Variants in FAM222B observed in about 807,000 individuals in gnomAD.
The protein encoded by FAM222B is family with sequence similarity 222 member B, also known as protein FAM222B.
FAM222B carries 12 observed loss-of-function variants against 38.0 expected under a neutral mutation model. That is an observed-to-expected ratio of 0.32 (90% CI 0.20 to 0.51). FAM222B has a LOEUF of 0.51. FAM222B is among the 20% of genes least tolerant of loss of function. FAM222B has a pLI of 0.97. For synonymous variants in FAM222B, 329 were observed against 317.2 expected (o/e 1.04, Z -0.40); for missense variants, 716 against 754.2 (o/e 0.95, Z 0.59).
At chr17:28,777,633 C>G (rs1450663861) in intron 1 of FAM222B, among the ~76,000 whole-genome samples, 1 of 152,132 alleles carries the variant, frequency 6.6e-6, no homozygotes, top group Non-Finnish European at 1.5e-5. Flanking sequence ...GGCTCACATT[C>G]CTGAAGGATA....
At chr17:28,846,116 C>G (rs949454015), upstream of FAM222B, among the ~76,000 whole-genome samples, 53 of 149,060 alleles carry the variant, frequency 3.6e-4, no homozygotes, top group African/African-American at 1.3e-3. Flanking sequence ...GGCAGGAGAA[C>G]GGCGTGAACC....
At chr17:28,760,597 AAAG>A (rs1385142189) in intron 2 of FAM222B, among the ~76,000 whole-genome samples, 4 of 151,876 alleles carry the variant, frequency 2.6e-5, no homozygotes, top group Non-Finnish European at 4.4e-5. Context: ...GAAAAAAAAA[AAAG>A]AGAGAAATGC....
chr17:28,790,883 A>AAATTTTTTTTTTTTTTTTTTTTTT (rs1567838640), intron 1 of FAM222B, among the ~76,000 whole-genome samples: 3 of 8,906 alleles, frequency 3.4e-4, no homozygotes, highest in African/African-American at 1.6e-3. Context: ...AAATTGTTTC[A>AAATTTTTTTTTTTTTTTTTTTTTT]CTTTTTTTTT....
intron 1 of FAM222B, among the ~76,000 whole-genome samples, chr17:28,819,327 A>G (rs956537500): frequency 7.9e-5 from 12 of 152,218 alleles, no homozygotes; most frequent in African/African-American, 2.9e-4. Context: ...AAATAAGAGG[A>G]AGACAAATAA....
In FAM222B at chr17:28,757,377, T is replaced by C. The variant is rs1426929670; in HGVS notation, c.*893A>G. 2.2e-5 allele frequency: 2 copies of C among 90,814 alleles called. No individual in the cohort carries two copies. Among genetic ancestry groups the C allele is most frequent in the Non-Finnish European group, 4.9e-5 (2 of 40,724 alleles). The allele number at this position is 90,814 out of a possible 1,614,324, so 5.6% of individuals were successfully genotyped here. A position where few individuals can be genotyped will look rare whatever the true frequency, so the allele number is the denominator to read the frequency against. ...GCCAGTGTAGAGAGAACCAAATGCA[T>C]TTTTTTTTTTTTGGTGTTTTTAATC... is the stretch of plus-strand genomic sequence containing the variant. On this transcript the variant is annotated 3_prime_UTR_variant, in exon 3 of 3. Coordinates refer to ENST00000581407, the MANE Select transcript of FAM222B (RefSeq NM_001077498.3).
At chr17:28,842,289 A>G (rs2039068517) in intron 1 of FAM222B, among the ~76,000 whole-genome samples, 1 of 151,962 alleles carries the variant, frequency 6.6e-6, no homozygotes. Flanking sequence ...AGAGCAGCCT[A>G]TTACTCCGGG....
At chr17:28,813,022 CGGGGGGGGGGG>C (rs71359255) in intron 1 of FAM222B, among the ~76,000 whole-genome samples, 4 of 896 alleles carry the variant, frequency 4.5e-3, no homozygotes, top group Admixed American at 0.017. Context: ...AGAAATTAAG[CGGGGGGGGGGG>C]GGGGGGGGAG....
intron 1 of FAM222B, among the ~76,000 whole-genome samples, chr17:28,826,077 G>T (rs933760595): frequency 6.9e-5 from 10 of 145,460 alleles, no homozygotes; most frequent in East Asian, 2.0e-4. Context: ...TGTTTTTTTT[G>T]TTGTTTTTTT....
chr17:28,757,196 CTTTGTG>C lies in FAM222B; in HGVS notation c.*1068_*1073del, dbSNP rs772924976. 2.6e-5 allele frequency: 4 copies of C among 152,342 alleles called. No individual in the cohort carries two copies. Among genetic ancestry groups the C allele is most frequent in the Admixed American group, 2.6e-4 (4 of 15,240 alleles). The allele number at this position is 152,342 out of a possible 1,614,324, so 9.4% of individuals were successfully genotyped here. On this transcript the variant is annotated 3_prime_UTR_variant, in exon 3 of 3. Transcript: ENST00000581407. Reference sequence around the variant, plus strand: ...AAGGAAGTACTCAAAGAGCTTAAGGCTTTGTGTTTGTTTTTTTTTCCTTCATTAAAC... The same window carrying C: ...AAGGAAGTACTCAAAGAGCTTAAGGCTTTGTTTTTTTTTCCTTCATTAAAC...
intron 1 of FAM222B, among the ~76,000 whole-genome samples, chr17:28,799,861 G>C (rs2037136713): frequency 6.6e-6 from 1 of 152,096 alleles, no homozygotes; most frequent in Middle Eastern, 3.2e-3. Flanking sequence ...TCCTGCCTTG[G>C]CCTCCCAAAG....
At chr17:28,775,549 G>A (rs1005602458) in intron 1 of FAM222B, among the ~76,000 whole-genome samples, 3 of 151,532 alleles carry the variant, frequency 2.0e-5, no homozygotes, top group Non-Finnish European at 2.9e-5. Context: ...GATTCATGCT[G>A]TGGCTCAAAA....
At chr17:28,790,883 A>AAATT (rs1567838640) in intron 1 of FAM222B, among the ~76,000 whole-genome samples, 8 of 8,902 alleles carry the variant, frequency 9.0e-4, no homozygotes, top group African/African-American at 4.3e-3. Flanking sequence ...AAATTGTTTC[A>AAATT]CTTTTTTTTT....
intron 1 of FAM222B, among the ~76,000 whole-genome samples, chr17:28,818,749 C>CT: frequency 6.6e-6 from 1 of 152,140 alleles, no homozygotes; most frequent in Non-Finnish European, 1.5e-5. Context: ...GAGTAGAGAG[C>CT]TGGAAAGAAG....
chr17:28,845,563 G>A (rs2152635552), upstream of FAM222B, among the ~76,000 whole-genome samples: 1 of 151,540 alleles, frequency 6.6e-6, no homozygotes, highest in African/African-American at 2.4e-5. Context: ...TGGCGACAGA[G>A]CGAGACTCTG....
chr17:28,807,798 C>T (rs117966026), intron 1 of FAM222B, among the ~76,000 whole-genome samples: 20 of 152,290 alleles, frequency 1.3e-4, no homozygotes, highest in Non-Finnish European at 2.8e-4. Context: ...CAAGTGTTCA[C>T]AGAATGCTAA....
chr17:28,845,318 G>C (rs535376339), upstream of FAM222B, among the ~76,000 whole-genome samples: 1 of 150,450 alleles, frequency 6.6e-6, no homozygotes, highest in Non-Finnish European at 1.5e-5. Context: ...GGAGAATGGC[G>C]TGAAGCCCGG....
intron 1 of FAM222B, chr17:28,834,899 G>C (rs1296155647): frequency 6.7e-6 from 1 of 150,228 alleles, no homozygotes; most frequent in Non-Finnish European, 1.5e-5. Context: ...CTGTTGCCCA[G>C]GCTGGAGTGC....
intron 1 of FAM222B, among the ~76,000 whole-genome samples, chr17:28,791,341 G>A (rs1363012417): frequency 1.3e-5 from 2 of 152,240 alleles, no homozygotes; most frequent in Middle Eastern, 3.4e-3. Context: ...CTAAATTGGT[G>A]AGTGTGCCAC....
intron 1 of FAM222B, among the ~76,000 whole-genome samples, chr17:28,791,033 G>C (rs2036660224): frequency 6.6e-6 from 1 of 150,782 alleles, no homozygotes; most frequent in Non-Finnish European, 1.5e-5. Context: ...TGAGTAGCCG[G>C]CGTAGCTGGG....
Sources: allele counts gnomAD v4.1 joint callset (sites outside exome capture counted in the v4.1 genomes callset), GRCh38; gene constraint gnomAD v4.1.1; transcripts MANE v1.5; gene names NCBI Gene and HGNC (gene_info 2026-07-23, HGNC 2026-07-21).